The following CPT1A variants were observed in gnomAD, a reference collection of about 807,000 sequenced individuals.
CPT1A encodes carnitine O-palmitoyltransferase 1, liver isoform.
CPT1A carries 64 observed loss-of-function variants against 100.8 expected under a neutral mutation model. That is an observed-to-expected ratio of 0.63 (90% CI 0.52 to 0.78). CPT1A has a LOEUF of 0.78. Among genes scored for constraint, CPT1A ranks in the 30% least tolerant of loss-of-function variants. The pLI is 0.00. For synonymous variants in CPT1A, 363 were observed against 396.0 expected (o/e 0.92, Z 0.99); for missense variants, 802 against 1,034.1 (o/e 0.78, Z 3.08).
At chr11:68,838,997 GGAGAGATTCTC>G (rs997253248) in intron 1 of CPT1A, among the ~76,000 whole-genome samples, 2 of 151,962 alleles carry the variant, frequency 1.3e-5, no homozygotes, top group South Asian at 2.1e-4. Context: ...AAAGTGTGTT[GGAGAGATTCTC>G]GAGAGATTCT....
Position 68,781,822 on chromosome 11 carries a change from G to A in CPT1A, c.1301C>T (p.Thr434Met), listed in dbSNP as rs917483960. 3.7e-6 allele frequency: 6 copies of A among 1,613,984 alleles called. No individual in the cohort carries two copies. Among genetic ancestry groups the A allele is most frequent in the Middle Eastern group, 1.6e-4 (1 of 6,084 alleles). ...AGATTTGGCGTAGCTGTCCATTGAC[G>A]TATCCGGGTCTTCACTTCTGTATCC... The part of the protein sequence containing the change: ...EEGYRSEDPD[T>M]SMDSYAKSLL... The change falls in exon 11 of 19, where the codon ACG becomes ATG. Residue 434 changes from threonine to methionine, a missense_variant. Around this residue, in one of 4 missense-constraint regions of CPT1A, gnomAD observed 627 missense variants for 799.3 expected, o/e 0.78. Coordinates refer to ENST00000265641, the MANE Select transcript of CPT1A (RefSeq NM_001876.4).
At chr11:68,830,356 G>A (rs1856847153) in intron 1 of CPT1A, among the ~76,000 whole-genome samples, 1 of 152,170 alleles carries the variant, frequency 6.6e-6, no homozygotes, top group Non-Finnish European at 1.5e-5. Flanking sequence ...CCTGCTGGGA[G>A]CTCACACAGA....
Position 68,799,299 on chromosome 11 carries a change from T to A in CPT1A, c.612A>T (p.Ala204=). The A allele has an allele frequency of 6.2e-7, 1 of 1,614,032 alleles. No homozygotes were observed. Among genetic ancestry groups the A allele is most frequent in the Non-Finnish European group, 8.5e-7 (1 of 1,179,936 alleles). Residue 204 remains alanine, a synonymous_variant, in exon 6 of 19, where the codon GCA becomes GCT. Coordinates refer to ENST00000265641, the MANE Select transcript of CPT1A (RefSeq NM_001876.4). ...MKEEDFKRMT[A]LAQDFAVGLG... ...GACCGACAGCAAAATCTTGAGCAAG[T>A]GCTGTCATCCGTTTGAAGTCTTCTT...
rs1013618891 is a variant in CPT1A at position 68,841,217 on chromosome 11, C to T, written c.-14+558G>A. Among the ~76,000 whole-genome samples the T allele has an allele frequency of 4.6e-5, 7 of 152,044 alleles. No homozygotes were observed. Among genetic ancestry groups the T allele is most frequent in the African/African-American group, 1.4e-4 (6 of 41,432 alleles). On this transcript the variant is annotated intron_variant, in intron 1 of 18. Coordinates refer to ENST00000265641, the MANE Select transcript of CPT1A (RefSeq NM_001876.4). The surrounding 1 kb of genome is among the most constrained non-coding windows in gnomAD (Gnocchi z 6.3). ...CACCTGCCCGTAGGTGACCAACCCA[C>T]GGGCGGACCCCCAGACCCAATCCTC...
chr11:68,795,380 A>T (rs2153999857), intron 7 of CPT1A, among the ~76,000 whole-genome samples: 1 of 152,348 alleles, frequency 6.6e-6, no homozygotes, highest in South Asian at 2.1e-4. Flanking sequence ...ACATTTTGGA[A>T]GAGTCTATGT....
chr11:68,781,697 G>C, intron 11 of CPT1A, 74 bp downstream of exon 11: 2 of 1,200,714 alleles, frequency 1.7e-6, no homozygotes, highest in Non-Finnish European at 2.5e-6. Flanking sequence ...ACTTAGGGGT[G>C]AGTGTCAGGC....
intron 14 of CPT1A, among the ~76,000 whole-genome samples, chr11:68,764,063 G>A (rs1043244654): frequency 6.6e-6 from 1 of 152,374 alleles, no homozygotes; most frequent in Admixed American, 6.5e-5. Context: ...AGGAGGGGCT[G>A]ATGCCCCTGA....
chr11:68,790,664 A>C (rs367724947), intron 9 of CPT1A, among the ~76,000 whole-genome samples: 3 of 152,128 alleles, frequency 2.0e-5, no homozygotes, highest in East Asian at 3.9e-4. Flanking sequence ...GTGGCAGAAG[A>C]AACTTCTTTT....
intron 6 of CPT1A, 85 bp from the exon 7 acceptor site, chr11:68,797,018 G>C: frequency 7.5e-7 from 1 of 1,333,720 alleles, no homozygotes; most frequent in East Asian, 2.4e-5. Flanking sequence ...CCGCGGGGAA[G>C]GGCAGGCAGT....
chr11:68,834,239 C>A (rs1248265007), intron 1 of CPT1A, among the ~76,000 whole-genome samples: 1 of 152,024 alleles, frequency 6.6e-6, no homozygotes, highest in African/African-American at 2.4e-5. Flanking sequence ...GAGTTCAAGA[C>A]CAGCCTGGCC....
chr11:68,816,616 C>G (rs1291169053), intron 1 of CPT1A, among the ~76,000 whole-genome samples: 1 of 152,222 alleles, frequency 6.6e-6, no homozygotes, highest in Admixed American at 6.5e-5. Flanking sequence ...CCTCCTGGAC[C>G]CCCCGGGGTG....
At chr11:68,775,263 A>T in intron 13 of CPT1A, 53 bp downstream of exon 13, 1 of 1,427,746 alleles carries the variant, frequency 7.0e-7, no homozygotes, top group Admixed American at 1.7e-5. Context: ...GTAAGACTTC[A>T]AATGTGTTTC....
At chr11:68,758,569 T>C (rs376469302) in intron 18 of CPT1A, among the ~76,000 whole-genome samples, 29 of 152,172 alleles carry the variant, frequency 1.9e-4, no homozygotes, top group Admixed American at 8.5e-4. Context: ...TTCAAAACCA[T>C]TGCTGCCAAC....
Position 68,757,481 on chromosome 11 carries a change from G to C in CPT1A, c.*163C>G. On this transcript the variant is annotated 3_prime_UTR_variant, in exon 19 of 19. Transcript: ENST00000265641. Reference sequence around the variant, plus strand: ...TAGTGGGGTTATGCTTCACAGGGGAGAGATACTGTTCTAGGAAAAAAAAAC... The same window carrying C: ...TAGTGGGGTTATGCTTCACAGGGGACAGATACTGTTCTAGGAAAAAAAAAC... 6.7e-7 allele frequency: 1 copy of C among 1,500,578 alleles called. No homozygotes were observed. Among genetic ancestry groups the C allele is most frequent in the Non-Finnish European group, 8.9e-7 (1 of 1,129,790 alleles). The allele number at this position is 1,500,578 out of a possible 1,614,324, so 93.0% of individuals were successfully genotyped here. A position where few individuals can be genotyped will look rare whatever the true frequency, so the allele number is the denominator to read the frequency against.
intron 1 of CPT1A, among the ~76,000 whole-genome samples, chr11:68,816,990 GGT>G (rs1313581579): frequency 9.0e-6 from 1 of 111,066 alleles, no homozygotes; most frequent in Non-Finnish European, 1.8e-5. Context: ...GGGGTGCGTG[GGT>G]GTGTGTGTGG....
intron 9 of CPT1A, among the ~76,000 whole-genome samples, chr11:68,788,697 A>G (rs906227471): frequency 1.3e-5 from 2 of 151,684 alleles, no homozygotes; most frequent in African/African-American, 2.4e-5. Flanking sequence ...CAAATCAATA[A>G]GGAAAAGATA....
rs571948628 is a variant in CPT1A at position 68,813,113 on chromosome 11, G to A, written c.142-537C>T. ...TGGCAAAATTGTTGAAACAAGGAAG[G>A]GAATGGTGGGGATCTTTAATCAGTC... On this transcript the variant is annotated intron_variant, in intron 2 of 18. Coordinates refer to ENST00000265641, the MANE Select transcript of CPT1A (RefSeq NM_001876.4). Among the ~76,000 whole-genome samples, 101 of 151,882 alleles carry A rather than the reference G, an allele frequency of 6.6e-4. 1 individual carries two copies. The highest frequency in any genetic ancestry group is 2.3e-3 in the African/African-American group (97 of 41,402).
At chr11:68,765,103 TCTC>T (rs1490713262) in intron 14 of CPT1A, among the ~76,000 whole-genome samples, 1 of 152,114 alleles carries the variant, frequency 6.6e-6, no homozygotes, top group Non-Finnish European at 1.5e-5. Context: ...CCTTCCCGCA[TCTC>T]CTCACTACAG....
intron 1 of CPT1A, among the ~76,000 whole-genome samples, chr11:68,838,360 T>G (rs7943745): frequency 6.6e-6 from 1 of 151,484 alleles, no homozygotes; most frequent in African/African-American, 2.4e-5. Context: ...GATCCAACCT[T>G]CACCTGACAT....
Sources: gnomAD v4.1 joint callset for allele counts (sites outside exome capture counted in the v4.1 genomes callset) on GRCh38, gnomAD v4.1.1 for gene constraint, gnomAD v4.1.1 regional missense constraint, Gnocchi (gnomAD v3.1) non-coding constraint, MANE v1.5 for transcripts, NCBI Gene and HGNC (gene_info 2026-07-23, HGNC 2026-07-21) for gene names.